The following ANKS1B variants were observed in gnomAD, a reference collection of about 807,000 sequenced individuals.
ANKS1B encodes the protein ankyrin repeat and sterile alpha motif domain-containing protein 1B.
ANKS1B carries 36 observed loss-of-function variants against 148.3 expected under a neutral mutation model. The ratio of observed to expected loss-of-function variants is 0.24; its 90% CI spans 0.19 to 0.32. The LOEUF (loss-of-function observed/expected upper bound fraction) is 0.32. Ranked by LOEUF, ANKS1B falls within the 10% of genes least tolerant of loss-of-function variation. The pLI, the probability that ANKS1B is intolerant of heterozygous loss-of-function variation, is 1.00. For synonymous variants in ANKS1B, 542 were observed against 560.8 expected, an observed-to-expected ratio of 0.97 and a Z score of 0.47; for missense variants, 1,157 against 1,542.6, an observed-to-expected ratio of 0.75 and a Z score of 4.19.
chr12:99,187,342 A>C (rs1601521343), intron 14 of ANKS1B, among the ~76,000 whole-genome samples: 1 of 152,116 alleles, frequency 6.6e-6, no homozygotes, highest in Non-Finnish European at 1.5e-5. Flanking sequence ...TGAGAACACC[A>C]TGAAGGTACT....
At chr12:99,542,339 G>A (rs1596649457) in intron 9 of ANKS1B, among the ~76,000 whole-genome samples, 1 of 151,786 alleles carries the variant, frequency 6.6e-6, no homozygotes, top group African/African-American at 2.4e-5. Context: ...ACTTAGACAT[G>A]AACTTCACAA....
chr12:99,881,952 G>A (rs1177721291), intron 1 of ANKS1B, among the ~76,000 whole-genome samples: 1 of 152,138 alleles, frequency 6.6e-6, no homozygotes, highest in African/African-American at 2.4e-5. Context: ...CATAGAGGAA[G>A]AAATTTCACA....
intron 8 of ANKS1B, among the ~76,000 whole-genome samples, chr12:99,690,468 G>T (rs1298576384): frequency 6.6e-6 from 1 of 152,126 alleles, no homozygotes; most frequent in Non-Finnish European, 1.5e-5. Context: ...AAAATCGAAA[G>T]CAAGTTAGTT....
chr12:99,888,999 C>CACACACACACACACAA (rs1491163791), intron 1 of ANKS1B, among the ~76,000 whole-genome samples: 5 of 146,854 alleles, frequency 3.4e-5, no homozygotes, highest in African/African-American at 5.0e-5. Context: ...CACACACACA[C>CACACACACACACACAA]AACTAGAGAC....
chr12:99,228,849 A>G (rs148922491), intron 14 of ANKS1B, among the ~76,000 whole-genome samples: 1 of 152,136 alleles, frequency 6.6e-6, no homozygotes, highest in Admixed American at 6.5e-5. Context: ...GTATTCACTT[A>G]GGAAATTTTA....
intron 11 of ANKS1B, among the ~76,000 whole-genome samples, chr12:99,439,920 T>C (rs2095522211): frequency 6.6e-6 from 1 of 151,768 alleles, no homozygotes; most frequent in Admixed American, 6.6e-5. Flanking sequence ...AATGAACAAA[T>C]TGTAATATAC....
chr12:99,090,151 G>A (rs1426762854), intron 15 of ANKS1B, among the ~76,000 whole-genome samples: 1 of 152,162 alleles, frequency 6.6e-6, no homozygotes, highest in African/African-American at 2.4e-5. Flanking sequence ...AGAATGAAAA[G>A]CAGTGTTTTG....
chr12:99,984,133 G>T lies in ANKS1B; in HGVS notation c.105C>A (p.Ser35=), dbSNP rs1401189338. The T allele has an allele frequency of 1.9e-6, 3 of 1,613,694 alleles. No individual in the cohort carries two copies. Among genetic ancestry groups the T allele is most frequent in the Middle Eastern group, 1.7e-4 (1 of 6,060 alleles). The stretch of plus-strand genomic sequence containing the variant: ...GCAGATTAGACAGGGGCAGGGGTCC[G>T]GATCCACCGCCCAGGATCCCTCCTT... ...GRKGGILGGG[S]GPLPLSNLLS... The change falls in exon 1 of 27, where the codon TCC becomes TCA. Residue 35 remains serine, a synonymous_variant. Transcript: ENST00000683438.
At chr12:98,772,381 G>A (rs552107814) in intron 25 of ANKS1B, among the ~76,000 whole-genome samples, 2 of 152,288 alleles carry the variant, frequency 1.3e-5, no homozygotes, top group African/African-American at 2.4e-5. Context: ...CAGCAAGTAC[G>A]CAGCTGTATT....
At chr12:99,519,314 G>C (rs1352551818) in intron 9 of ANKS1B, among the ~76,000 whole-genome samples, 1 of 152,134 alleles carries the variant, frequency 6.6e-6, no homozygotes, top group Middle Eastern at 3.4e-3. Flanking sequence ...CCTGAAAGTG[G>C]GATGTTGAAG....
chr12:98,811,374 TG>T (rs1300267536), intron 19 of ANKS1B, among the ~76,000 whole-genome samples: 2 of 152,122 alleles, frequency 1.3e-5, no homozygotes, highest in East Asian at 3.9e-4. Context: ...CACACATCCT[TG>T]TCACACAGAA....
At chr12:99,043,019 C>T (rs753427394) in intron 17 of ANKS1B, among the ~76,000 whole-genome samples, 1 of 152,188 alleles carries the variant, frequency 6.6e-6, no homozygotes, top group Admixed American at 6.5e-5. Context: ...GGGTTTACCC[C>T]TAATATTTCT....
intron 25 of ANKS1B, among the ~76,000 whole-genome samples, chr12:98,756,885 G>A (rs187954317): frequency 0.01 from 1,582 of 151,560 alleles, 11 homozygotes; most frequent in Middle Eastern, 0.051. Context: ...CCACCACCAC[G>A]CCTGGCTACT....
intron 11 of ANKS1B, among the ~76,000 whole-genome samples, chr12:99,406,898 C>A (rs1057423692): frequency 9.6e-5 from 14 of 145,574 alleles, no homozygotes; most frequent in Admixed American, 3.4e-4. Flanking sequence ...AGTCTCCCAG[C>A]AAAGAAAAGC....
intron 14 of ANKS1B, among the ~76,000 whole-genome samples, chr12:99,172,239 T>G (rs1226231698): frequency 6.6e-6 from 1 of 152,046 alleles, no homozygotes; most frequent in Non-Finnish European, 1.5e-5. Flanking sequence ...GGAGGCAGGA[T>G]AAGTAGGAAA....
At chr12:98,901,081 G>A (rs144897626) in intron 17 of ANKS1B, among the ~76,000 whole-genome samples, 107 of 152,210 alleles carry the variant, frequency 7.0e-4, no homozygotes, top group Non-Finnish European at 1.2e-3. Context: ...GACTGCATGA[G>A]GTCAAGGACC....
Position 99,659,912 on chromosome 12 carries a change from T to C in ANKS1B, c.1129-4702A>G, listed in dbSNP as rs147597393. Reference sequence around the variant, plus strand: ...TACCACACCATGGAAGCCACCTCCTTAATTACTAGAACTCTTCAAGGGGAC... The same window carrying C: ...TACCACACCATGGAAGCCACCTCCTCAATTACTAGAACTCTTCAAGGGGAC... On this transcript the variant is annotated intron_variant, in intron 8 of 26. Coordinates refer to ENST00000683438, the MANE Select transcript of ANKS1B (RefSeq NM_001352186.2). Among the ~76,000 whole-genome samples the C allele has an allele frequency of 5.9e-5, 9 of 152,308 alleles. 2 individuals are homozygous for C. In the East Asian group the frequency reaches 1.7e-3, roughly 29 times the overall value.
At chr12:99,014,464 CAA>C (rs1437982092) in intron 17 of ANKS1B, among the ~76,000 whole-genome samples, 2 of 152,060 alleles carry the variant, frequency 1.3e-5, no homozygotes, top group African/African-American at 4.8e-5. Flanking sequence ...TAGGCATGGG[CAA>C]AGATTTCATG....
chr12:99,805,285 A>AAAAAAAAAAAAAAAAAAAAC (rs1360182682), intron 4 of ANKS1B, among the ~76,000 whole-genome samples: 2 of 149,302 alleles, frequency 1.3e-5, no homozygotes, highest in African/African-American at 2.5e-5. Flanking sequence ...AAAAAAAAAA[A>AAAAAAAAAAAAAAAAAAAAC]AAAGACTAAC....
Sources: allele counts gnomAD v4.1 joint callset (sites outside exome capture counted in the v4.1 genomes callset), GRCh38; gene constraint gnomAD v4.1.1; transcripts MANE v1.5; gene names NCBI Gene and HGNC (gene_info 2026-07-23, HGNC 2026-07-21).